CDH23: variants seen among roughly 807,000 people sequenced by gnomAD.
The protein encoded by CDH23 is cadherin-23.
A neutral mutation model predicts 317.1 loss-of-function variants in CDH23; 189 were observed. The ratio of observed to expected loss-of-function variants is 0.60; its 90% CI spans 0.53 to 0.67. The LOEUF is 0.67. CDH23 is among the 30% of genes least tolerant of loss of function. The probability of loss-of-function intolerance (pLI) is 0.00; values close to 1 mark genes in which losing one functional copy is unlikely to be tolerated. For synonymous variants in CDH23, 1,839 were observed against 1,876.8 expected (o/e 0.98, Z 0.52); for missense variants, 4,401 against 4,592.4 (o/e 0.96, Z 1.20).
intron 6 of CDH23, among the ~76,000 whole-genome samples, chr10:71,547,990 G>A (rs893585511): frequency 2.6e-5 from 4 of 152,330 alleles, no homozygotes; most frequent in East Asian, 1.9e-4. Context: ...AGGGTCAGTC[G>A]GAGGCTGGCC....
intron 14 of CDH23, among the ~76,000 whole-genome samples, chr10:71,654,719 CA>C (rs1463138048): frequency 6.6e-6 from 1 of 152,136 alleles, no homozygotes; most frequent in Non-Finnish European, 1.5e-5. Flanking sequence ...GACTGTGGCC[CA>C]AGCACCCACA....
chr10:71,741,964 G>A (rs772745024), intron 38 of CDH23, 43 bp downstream of exon 38: 10 of 1,477,940 alleles, frequency 6.8e-6, no homozygotes, highest in South Asian at 2.5e-5. Flanking sequence ...GGTGGGCCAG[G>A]GCAGCTCCGC....
intron 9 of CDH23, among the ~76,000 whole-genome samples, chr10:71,591,584 G>GT (rs990318762): frequency 2.6e-5 from 4 of 152,020 alleles, no homozygotes; most frequent in African/African-American, 7.3e-5. Flanking sequence ...CCCTTAAAGA[G>GT]TTTTTTTAAG....
chr10:71,714,967 C>G (rs1189945466), intron 28 of CDH23: 1 of 152,276 alleles, frequency 6.6e-6, no homozygotes, highest in Non-Finnish European at 1.5e-5. Flanking sequence ...TGGGGTGGGA[C>G]TGCTTTGACG....
chr10:71,755,956 G>A (rs777853875), intron 38 of CDH23, among the ~76,000 whole-genome samples: 14 of 152,082 alleles, frequency 9.2e-5, no homozygotes, highest in Non-Finnish European at 2.9e-5. Flanking sequence ...GGTTGAAATG[G>A]CAAATTTTAC....
chr10:71,588,796 T>G (rs1347499351), intron 9 of CDH23, among the ~76,000 whole-genome samples: 6 of 152,218 alleles, frequency 3.9e-5, no homozygotes, highest in Non-Finnish European at 8.8e-5. Flanking sequence ...GGGTGTTCCC[T>G]GCACAAAGCC....
chr10:71,552,849 T>G (rs935985683), intron 6 of CDH23, among the ~76,000 whole-genome samples: 16 of 152,156 alleles, frequency 1.1e-4, no homozygotes, highest in Non-Finnish European at 2.2e-4. Context: ...AGGTTAAGAA[T>G]GCTGTGTGTT....
intron 6 of CDH23, among the ~76,000 whole-genome samples, chr10:71,534,146 C>T (rs1266204022): frequency 6.6e-6 from 1 of 152,148 alleles, no homozygotes; most frequent in East Asian, 1.9e-4. Context: ...ACATGATTGT[C>T]CCCAGATCCC....
At chr10:71,615,989 G>A (rs2132516549) in intron 10 of CDH23, among the ~76,000 whole-genome samples, 1 of 152,318 alleles carries the variant, frequency 6.6e-6, no homozygotes, top group East Asian at 1.9e-4. Flanking sequence ...CCATTTCTGG[G>A]GTTCTGTCCC....
chr10:71,541,213 G>A (rs978879955), intron 6 of CDH23, among the ~76,000 whole-genome samples: 4 of 152,066 alleles, frequency 2.6e-5, no homozygotes, highest in Admixed American at 6.6e-5. Flanking sequence ...GCCGCTGGCC[G>A]CCTCTTGGTA....
At chr10:71,544,608 G>C (rs1856169571) in intron 6 of CDH23, among the ~76,000 whole-genome samples, 1 of 152,160 alleles carries the variant, frequency 6.6e-6, no homozygotes, top group African/African-American at 2.4e-5. Context: ...AAAAGAGGAG[G>C]AGCATACCTA....
intron 1 of CDH23, among the ~76,000 whole-genome samples, chr10:71,403,326 C>CCTTCCTTCCTTTCTTTCTTTCTTT (rs1315167195): frequency 1.6e-5 from 1 of 60,746 alleles, no homozygotes. Flanking sequence ...TTCCTTCCTT[C>CCTTCCTTCCTTTCTTTCTTTCTTT]CTTTCTTTCT....
chr10:71,673,436 G>T (rs78227436), intron 14 of CDH23, among the ~76,000 whole-genome samples: 1,808 of 152,328 alleles, frequency 0.012, 13 homozygotes, highest in Non-Finnish European at 0.017. Context: ...GATTGTCAGT[G>T]GAACCTGGGG....
chr10:71,813,400 C>T (rs1842009959), intron 69 of CDH23, 52 bp downstream of exon 69: 2 of 1,426,724 alleles, frequency 1.4e-6, no homozygotes, highest in Non-Finnish European at 1.9e-6. Context: ...CCTGGGGATG[C>T]TCTCTGTCTC....
chr10:71,452,880 G>A (rs1320125646), intron 3 of CDH23, among the ~76,000 whole-genome samples: 1 of 152,158 alleles, frequency 6.6e-6, no homozygotes, highest in Admixed American at 6.5e-5. Flanking sequence ...CTGGAGAGAT[G>A]GCATGATCTG....
At chr10:71,406,670 A>G (rs1263150431) in intron 1 of CDH23, among the ~76,000 whole-genome samples, 1 of 151,364 alleles carries the variant, frequency 6.6e-6, no homozygotes, top group Non-Finnish European at 1.5e-5. Context: ...ATCGAGATTA[A>G]AAAAAAATCT....
Position 71,728,004 on chromosome 10 carries a change from G to A in CDH23, c.3580-2465G>A, listed in dbSNP as rs769157952. ...CTCATGGAGGACAGGCCACACCCCA[G>A]CTCCCTGCCACCTCTCTCATCTTGT... On this transcript the variant is annotated intron_variant, in intron 30 of 69. Coordinates refer to ENST00000224721, the MANE Select transcript of CDH23 (RefSeq NM_022124.6). 5.3e-5 allele frequency among the ~76,000 whole-genome samples: 8 copies of A among 152,154 alleles called. No homozygotes were observed. The South Asian group carries it at 6.2e-4, about 12-fold the overall frequency.
At position 71,811,757 on chromosome 10, in the gene CDH23, A is replaced by C. The variant is rs1485183281; in HGVS notation, c.9319+4A>C. On this transcript the variant is annotated splice_donor_region_variant and intron_variant, in intron 65 of 69. Transcript: ENST00000224721. ...GCCATTGTGGCTGGCTCAGCTGGTA[A>C]GTGAGGGCCATAGTGGGGACACAGG... 1 of 1,571,138 alleles carries C rather than the reference A, an allele frequency of 6.4e-7. No homozygotes were observed. Among genetic ancestry groups the C allele is most frequent in the East Asian group, 2.4e-5 (1 of 41,990 alleles).
intron 11 of CDH23, among the ~76,000 whole-genome samples, chr10:71,620,467 A>G (rs1471398711): frequency 1.3e-5 from 2 of 151,870 alleles, no homozygotes; most frequent in Admixed American, 6.6e-5. Context: ...TAACCCTGAC[A>G]CCTCCGATTT....
Sources: gnomAD v4.1 joint callset for allele counts (sites outside exome capture counted in the v4.1 genomes callset) on GRCh38, gnomAD v4.1.1 for gene constraint, MANE v1.5 for transcripts, NCBI Gene and HGNC (gene_info 2026-07-23, HGNC 2026-07-21) for gene names.